The following CLYBL variants were observed in gnomAD, a reference collection of about 807,000 sequenced individuals.
CLYBL encodes citramalyl-CoA lyase.
Under a neutral mutation model 38.9 loss-of-function variants are expected in CLYBL, and 31 were observed. The ratio of observed to expected loss-of-function variants is 0.80; its 90% CI spans 0.60 to 1.08. The LOEUF (loss-of-function observed/expected upper bound fraction) is 1.08. CLYBL is among the 50% of genes least tolerant of loss of function. The probability of loss-of-function intolerance (pLI) is 0.00; values close to 1 mark genes in which losing one functional copy is unlikely to be tolerated. For synonymous variants in CLYBL, 171 were observed against 158.6 expected (o/e 1.08, Z -0.59); for missense variants, 434 against 411.6 (o/e 1.05, Z -0.47).
At chr13:99,684,568 A>G (rs916012003) in intron 1 of CLYBL, among the ~76,000 whole-genome samples, 4 of 152,216 alleles carry the variant, frequency 2.6e-5, no homozygotes, top group African/African-American at 4.8e-5. Flanking sequence ...TTCTTAGGCT[A>G]CTACCACTAC....
At chr13:99,902,585 C>T (rs1246924512) in intron 8 of CLYBL, among the ~76,000 whole-genome samples, 1 of 152,196 alleles carries the variant, frequency 6.6e-6, no homozygotes, top group Non-Finnish European at 1.5e-5. Flanking sequence ...TTCATAGCCT[C>T]CAGTGTAGCG....
At chr13:99,644,889 T>G (rs980809346) in intron 1 of CLYBL, among the ~76,000 whole-genome samples, 1 of 152,258 alleles carries the variant, frequency 6.6e-6, no homozygotes, top group East Asian at 1.9e-4. Context: ...ATTGTGTATA[T>G]GTACCACAAT....
At chr13:99,647,411 A>G (rs1341035721) in intron 1 of CLYBL, among the ~76,000 whole-genome samples, 2 of 151,864 alleles carry the variant, frequency 1.3e-5, no homozygotes, top group African/African-American at 4.8e-5. Context: ...TGCAAAATCT[A>G]CATCTGTCAC....
intron 1 of CLYBL, among the ~76,000 whole-genome samples, chr13:99,740,516 C>G (rs1330183244): frequency 1.3e-5 from 2 of 152,204 alleles, no homozygotes; most frequent in Admixed American, 1.3e-4. Flanking sequence ...GGTTCTTACT[C>G]ATTTCCCCTC....
chr13:99,767,093 C>T (rs2049284143), intron 1 of CLYBL, among the ~76,000 whole-genome samples: 1 of 152,228 alleles, frequency 6.6e-6, no homozygotes, highest in Admixed American at 6.5e-5. Flanking sequence ...GCTGAATGTC[C>T]ACCTCAATTG....
intron 1 of CLYBL, among the ~76,000 whole-genome samples, chr13:99,717,404 C>A (rs577963973): frequency 8.1e-6 from 1 of 124,196 alleles, no homozygotes; most frequent in Non-Finnish European, 1.6e-5. Context: ...CCAGCCTGGG[C>A]GACAGAGTGA....
chr13:99,638,025 A>ACAATC (rs1383557439), intron 1 of CLYBL, among the ~76,000 whole-genome samples: 1 of 130,534 alleles, frequency 7.7e-6, no homozygotes, highest in Middle Eastern at 4.5e-3. Context: ...GTGCAATGGC[A>ACAATC]CAATCGCGGT....
At chr13:99,697,594 C>T (rs1039187532) in intron 1 of CLYBL, among the ~76,000 whole-genome samples, 10 of 147,830 alleles carry the variant, frequency 6.8e-5, no homozygotes, top group African/African-American at 2.5e-4. Context: ...GAGTGATCCT[C>T]CCGCCTTGGC....
intron 1 of CLYBL, among the ~76,000 whole-genome samples, chr13:99,641,067 G>T (rs1017467382): frequency 1.3e-5 from 2 of 152,204 alleles, no homozygotes; most frequent in Non-Finnish European, 2.9e-5. Context: ...AATTTGAAAA[G>T]TATGTAACAG....
chr13:99,728,118 T>A (rs1465676299), intron 1 of CLYBL, among the ~76,000 whole-genome samples: 1 of 152,046 alleles, frequency 6.6e-6, no homozygotes, highest in Admixed American at 6.6e-5. Flanking sequence ...ATATTACAGA[T>A]CCCATTATAT....
chr13:99,760,430 T>C (rs1273581523), intron 1 of CLYBL, among the ~76,000 whole-genome samples: 3 of 152,254 alleles, frequency 2.0e-5, no homozygotes, highest in Non-Finnish European at 2.9e-5. Context: ...CATGTTTTCA[T>C]ATACCTTTGG....
chr13:99,671,251 C>T (rs1338959617), intron 1 of CLYBL, among the ~76,000 whole-genome samples: 1 of 152,172 alleles, frequency 6.6e-6, no homozygotes, highest in Non-Finnish European at 1.5e-5. Context: ...TGTTTCTTTC[C>T]TTCATGGCAT....
In CLYBL at chr13:99,733,993, C is replaced by G. The variant is rs75351544; in HGVS notation, c.63-38831C>G. On this transcript the variant is annotated intron_variant, in intron 1 of 8. Transcript: ENST00000339105. ...GCTCGACTTTTATTTTGTTCAGACC[C>G]AAACTGAATGAGGCAGAGGTTAAAA... Among the ~76,000 whole-genome samples the G allele has an allele frequency of 4.3e-3, 652 of 152,312 alleles. 2 individuals are homozygous for G. The highest frequency in any genetic ancestry group is 7.3e-3 in the Non-Finnish European group (497 of 68,022).
intron 1 of CLYBL, among the ~76,000 whole-genome samples, chr13:99,618,254 A>G (rs998544770): frequency 6.6e-6 from 1 of 152,102 alleles, no homozygotes; most frequent in Non-Finnish European, 1.5e-5. Context: ...GGTAAATTAT[A>G]CATAACAAAA....
chr13:99,747,199 C>T (rs564781968), intron 1 of CLYBL, among the ~76,000 whole-genome samples: 1 of 151,150 alleles, frequency 6.6e-6, no homozygotes, highest in Non-Finnish European at 1.5e-5. Flanking sequence ...AAACAAAAAG[C>T]TCCTCTCCTC....
chr13:99,899,666 T>C (rs1343815111), downstream of CLYBL, among the ~76,000 whole-genome samples: 1 of 152,234 alleles, frequency 6.6e-6, no homozygotes, highest in Admixed American at 6.5e-5. Context: ...TCTTGTTTCT[T>C]ATATTTTACC....
At chr13:99,746,683 G>A (rs2048857087) in intron 1 of CLYBL, among the ~76,000 whole-genome samples, 1 of 152,196 alleles carries the variant, frequency 6.6e-6, no homozygotes, top group Non-Finnish European at 1.5e-5. Context: ...CAGAGGCAAA[G>A]AGAACTCAGG....
intron 1 of CLYBL, among the ~76,000 whole-genome samples, chr13:99,698,347 T>G (rs893323132): frequency 5.5e-5 from 8 of 144,820 alleles, no homozygotes; most frequent in Non-Finnish European, 9.1e-5. Flanking sequence ...TTTTTTTTTT[T>G]AATTGTTAAA....
chr13:99,719,341 G>A (rs985854870), intron 1 of CLYBL, among the ~76,000 whole-genome samples: 2 of 150,810 alleles, frequency 1.3e-5, no homozygotes, highest in African/African-American at 4.9e-5. Context: ...ATTATGAGAT[G>A]GAGTCTTGCT....
Sources: gnomAD v4.1 joint callset for allele counts (sites outside exome capture counted in the v4.1 genomes callset) on GRCh38, gnomAD v4.1.1 for gene constraint, MANE v1.5 for transcripts, NCBI Gene and HGNC (gene_info 2026-07-23, HGNC 2026-07-21) for gene names.